The following BRIP1 variants were observed in gnomAD, a reference collection of about 807,000 sequenced individuals.
BRIP1 encodes Fanconi anemia group J protein.
In BRIP1, 88 loss-of-function variants were observed where a neutral mutation model predicts 119.7. That is an observed-to-expected ratio of 0.74 (90% CI 0.62 to 0.88). The LOEUF is 0.88. Ranked by LOEUF, BRIP1 falls within the 40% of genes least tolerant of loss-of-function variation. The probability of loss-of-function intolerance (pLI) is 0.00; values close to 1 mark genes in which losing one functional copy is unlikely to be tolerated. For synonymous variants in BRIP1, 443 were observed against 496.5 expected (o/e 0.89, Z 1.43); for missense variants, 1,259 against 1,455.4 (o/e 0.87, Z 2.20).
intron 11 of BRIP1, among the ~76,000 whole-genome samples, chr17:61,783,176 A>T (rs771057981): frequency 6.6e-6 from 1 of 152,216 alleles, no homozygotes; most frequent in African/African-American, 2.4e-5. Context: ...TAAATTAACA[A>T]ATTGTGGTAT....
At position 61,795,122 on chromosome 17, in the gene BRIP1, ATAG is replaced by A. The variant is rs1161677121; in HGVS notation, c.1341-1396_1341-1394del. Reference sequence around the variant, plus strand: ...TTTAATTTTTAATTTTCGTGGGTACATAGTAGGTGTATATATTTATGGGGTACA... The same window carrying A: ...TTTAATTTTTAATTTTCGTGGGTACATAGGTGTATATATTTATGGGGTACA... On this transcript the variant is annotated intron_variant, in intron 9 of 19. Transcript: ENST00000259008. The surrounding 1 kb of genome is among the most constrained non-coding windows in gnomAD (Gnocchi z 5.6). Among the ~76,000 whole-genome samples the A allele has an allele frequency of 6.6e-6, 1 of 152,120 alleles. No homozygotes were observed. Among genetic ancestry groups the A allele is most frequent in the Non-Finnish European group, 1.5e-5 (1 of 67,996 alleles).
rs1467653305 is a variant in BRIP1, at chr17:61,848,241, G to A, written c.507+888C>T. Among the ~76,000 whole-genome samples the A allele has an allele frequency of 1.3e-5, 2 of 152,076 alleles. No individual in the cohort carries two copies. Among genetic ancestry groups the A allele is most frequent in the African/African-American group, 4.8e-5 (2 of 41,416 alleles). The stretch of plus-strand genomic sequence containing the variant: ...CACCAAGGTTGAAGCATAATTGCAT[G>A]ATCTTAGCTCACCACAGCCTTCAAC... On this transcript the variant is annotated intron_variant, in intron 5 of 19. Transcript: ENST00000259008. This position sits in a 1 kb window ranked among gnomAD's most constrained non-coding sequence, Gnocchi z 4.3.
intron 16 of BRIP1, among the ~76,000 whole-genome samples, chr17:61,741,476 C>T (rs1041452173): frequency 6.6e-6 from 1 of 152,176 alleles, no homozygotes; most frequent in Non-Finnish European, 1.5e-5. Context: ...TCAGAGGACT[C>T]GCTATCTATA....
chr17:61,738,849 AT>A lies in BRIP1; in HGVS notation c.2379+4163del, dbSNP rs148393627. ...TATGGAAAAAGTTAAAATTCTTTTG[AT>A]AACTACTCTGAATATCATTCCCTTC... On this transcript the variant is annotated intron_variant, in intron 16 of 19. Transcript: ENST00000259008. This position sits in a 1 kb window ranked among gnomAD's most constrained non-coding sequence, Gnocchi z 4.2. Among the ~76,000 whole-genome samples the A allele has an allele frequency of 0.022, 3,291 of 152,308 alleles. 56 individuals carry two copies. The highest frequency in any genetic ancestry group is 0.031 in the Non-Finnish European group (2,077 of 68,024).
chr17:61,691,420 T>C lies in BRIP1; in HGVS notation c.2575+2010A>G, dbSNP rs1472847276. Among the ~76,000 whole-genome samples the C allele has an allele frequency of 1.3e-5, 2 of 152,132 alleles. No homozygotes were observed. Among genetic ancestry groups the C allele is most frequent in the Admixed American group, 1.3e-4 (2 of 15,270 alleles). ...TGGAAAGATATCCCATGTTCACAGA[T>C]TGGAACACCTAATATTGTCAGAATG... On this transcript the variant is annotated intron_variant, in intron 18 of 19. Coordinates refer to ENST00000259008, the MANE Select transcript of BRIP1 (RefSeq NM_032043.3). This position sits in a 1 kb window ranked among gnomAD's most constrained non-coding sequence, Gnocchi z 5.0.
rs774684620 is a variant in BRIP1 at position 61,684,098 on chromosome 17, A to AT, written c.2947dup (p.Ile983AsnfsTer19). On this transcript the variant is annotated frameshift_variant, in exon 20 of 20. Coordinates refer to ENST00000259008, the MANE Select transcript of BRIP1 (RefSeq NM_032043.3). LOFTEE classifies it low-confidence loss of function (END_TRUNC). The surrounding 1 kb of genome is among the most constrained non-coding windows in gnomAD (Gnocchi z 4.5). ...TGGGCTTGTGGATCTGGAAATCACA[A>AT]TTTTTTCTGCTTTCCCTGCTTCTTC... 4.3e-6 allele frequency: 7 copies of AT among 1,613,492 alleles called. No homozygotes were observed. Among genetic ancestry groups the AT allele is most frequent in the African/African-American group, 2.7e-5 (2 of 74,944 alleles).
At chr17:61,779,561 A>G (rs1205657923) in intron 13 of BRIP1, among the ~76,000 whole-genome samples, 1 of 152,250 alleles carries the variant, frequency 6.6e-6, no homozygotes, top group African/African-American at 2.4e-5. Flanking sequence ...CGAAGGCTGC[A>G]GTGAGCCAAG....
intron 10 of BRIP1, among the ~76,000 whole-genome samples, chr17:61,785,124 G>T (rs2077686078): frequency 6.6e-6 from 1 of 152,216 alleles, no homozygotes; most frequent in East Asian, 1.9e-4. Flanking sequence ...GTAGCAAATG[G>T]CTTCTCCAAA....
Position 61,859,814 on chromosome 17 carries a change from A to T in BRIP1, c.187T>A (p.Trp63Arg), listed in dbSNP as rs1603367652. The change falls in exon 3 of 20, where the codon TGG (tryptophan) becomes AGG (arginine). Residue 63 changes from tryptophan (W) to arginine (R), a missense_variant. Physicochemically the swap from Trp to Arg is moderately radical, Grantham distance 101. This residue lies in a region of BRIP1 where 501 missense variants were observed against 544.0 expected (regional missense o/e 0.92). Transcript: ENST00000259008. Reference protein sequence around the residue: ...SLALLCSALAWQQSLSGKPAD... With the variant: ...SLALLCSALARQQSLSGKPAD... ...TACTTACCACTAAGAGATTGTTGCC[A>T]TGCTAAAGCAGAACAAAGTAAGGCT... 1 of 1,613,082 alleles carries T rather than the reference A, an allele frequency of 6.2e-7. No homozygotes were observed.
rs566504900 is a variant in BRIP1, at chr17:61,686,251, G to A, written c.2576-86C>T. 123 of 1,230,272 alleles carry A rather than the reference G, an allele frequency of 1.0e-4. No individual in the cohort carries two copies. Among genetic ancestry groups the A allele is most frequent in the Non-Finnish European group, 1.4e-4 (116 of 839,978 alleles). The allele number at this position is 1,230,272 out of a possible 1,614,324, so 76.2% of individuals were successfully genotyped here. ...TAAGGTAATACACTTGCTTTTTCTAGTGAAGTAACCTAATTTGTATTTTGA... is the reference window on the plus strand; with the variant it reads ...TAAGGTAATACACTTGCTTTTTCTAATGAAGTAACCTAATTTGTATTTTGA... On this transcript the variant is annotated intron_variant, in intron 18 of 19. Coordinates refer to ENST00000259008, the MANE Select transcript of BRIP1 (RefSeq NM_032043.3). The surrounding 1 kb of genome is among the most constrained non-coding windows in gnomAD (Gnocchi z 5.4).
rs928109845 is a variant in BRIP1 at position 61,724,977 on chromosome 17, G to A, written c.2380-8914C>T. 3.9e-5 allele frequency among the ~76,000 whole-genome samples: 6 copies of A among 152,070 alleles called. No homozygotes were observed. Among genetic ancestry groups the A allele is most frequent in the Non-Finnish European group, 5.9e-5 (4 of 68,012 alleles). ...TCATAGTGTAAACACTTCTATCAGG[G>A]TATCACAATATAAATTCCAATGGTT... On this transcript the variant is annotated intron_variant, in intron 16 of 19. Transcript: ENST00000259008. This position sits in a 1 kb window ranked among gnomAD's most constrained non-coding sequence, Gnocchi z 5.1.
At chr17:61,715,372 ATTTT>A (rs906430615) in intron 17 of BRIP1, among the ~76,000 whole-genome samples, 1 of 151,354 alleles carries the variant, frequency 6.6e-6, no homozygotes, top group African/African-American at 2.4e-5. Context: ...AATGAAAATG[ATTTT>A]TTTTTCTGTC....
rs2061660461 is a variant in BRIP1, at chr17:61,704,410, A to T, written c.2493-10898T>A. Among the ~76,000 whole-genome samples the T allele has an allele frequency of 6.6e-6, 1 of 152,046 alleles. No individual in the cohort carries two copies. Among genetic ancestry groups the T allele is most frequent in the Non-Finnish European group, 1.5e-5 (1 of 67,994 alleles). On this transcript the variant is annotated intron_variant, in intron 17 of 19. Transcript: ENST00000259008. This position sits in a 1 kb window ranked among gnomAD's most constrained non-coding sequence, Gnocchi z 5.7. The stretch of plus-strand genomic sequence containing the variant: ...TTTGCTAGTGAACACAGCTGGGTGA[A>T]TTTTTTAGAAGGCTTTTAACTATTA...
In BRIP1 at chr17:61,758,940, C is replaced by G; in HGVS notation, c.2098-14349G>C. Among the ~76,000 whole-genome samples, 1 of 151,602 alleles carries G rather than the reference C, an allele frequency of 6.6e-6. No individual in the cohort carries two copies. The highest frequency in any genetic ancestry group is 1.9e-4 in the East Asian group (1 of 5,180). On this transcript the variant is annotated intron_variant, in intron 14 of 19. Transcript: ENST00000259008. This position sits in a 1 kb window ranked among gnomAD's most constrained non-coding sequence, Gnocchi z 5.3. ...GGTTGATCCCTTCAACCCAGGAGTT[C>G]AAGGTTATAGTGACCTATGATCACA...
At position 61,776,549 on chromosome 17, in the gene BRIP1, G is replaced by A. The variant is rs2077537888; in HGVS notation, c.1949C>T (p.Thr650Ile). 1 of 1,614,012 alleles carries A rather than the reference G, an allele frequency of 6.2e-7. No homozygotes were observed. Among genetic ancestry groups the A allele is most frequent in the Non-Finnish European group, 8.5e-7 (1 of 1,179,956 alleles). ...IIKNSQVWVG[T>I]IGSGPKGRNL... The stretch of plus-strand genomic sequence containing the variant: ...CCGACCCTTGGGGCCTGACCCAATG[G>A]TACCAACCCAAACCTAGAATATGAA... The change falls in exon 14 of 20, where the codon ACC becomes ATC. Residue 650 changes from threonine (T) to isoleucine (I), a missense_variant. This residue lies in a region of BRIP1 where 753 missense variants were observed against 891.8 expected (regional missense o/e 0.84). Transcript: ENST00000259008. This position sits in a 1 kb window ranked among gnomAD's most constrained non-coding sequence, Gnocchi z 5.0.
At position 61,700,656 on chromosome 17, in the gene BRIP1, C is replaced by T. The variant is rs1054620454; in HGVS notation, c.2493-7144G>A. On this transcript the variant is annotated intron_variant, in intron 17 of 19. Coordinates refer to ENST00000259008, the MANE Select transcript of BRIP1 (RefSeq NM_032043.3). The surrounding 1 kb of genome is among the most constrained non-coding windows in gnomAD (Gnocchi z 4.1). The stretch of plus-strand genomic sequence containing the variant: ...CCCTGAGTTCATCCTACTTGGAGTT[C>T]GCTTATCTTCTTGGATGTATAAATT... Among the ~76,000 whole-genome samples, 12 of 152,036 alleles carry T rather than the reference C, an allele frequency of 7.9e-5. No homozygotes were observed. The highest frequency in any genetic ancestry group is 2.2e-4 in the African/African-American group (9 of 41,390).
At chr17:61,855,037 C>T (rs2078876126) in intron 4 of BRIP1, among the ~76,000 whole-genome samples, 1 of 152,058 alleles carries the variant, frequency 6.6e-6, no homozygotes. Flanking sequence ...CTGTATGAAT[C>T]CATTTATATA....
chr17:61,770,153 A>C lies in BRIP1; in HGVS notation c.2097+6248T>G, dbSNP rs1046803721. Among the ~76,000 whole-genome samples the C allele has an allele frequency of 6.6e-6, 1 of 152,220 alleles. No homozygotes were observed. Among genetic ancestry groups the C allele is most frequent in the Admixed American group, 6.5e-5 (1 of 15,276 alleles). On this transcript the variant is annotated intron_variant, in intron 14 of 19. Transcript: ENST00000259008. This position sits in a 1 kb window ranked among gnomAD's most constrained non-coding sequence, Gnocchi z 4.7. Reference sequence around the variant, plus strand: ...CTGCAGCTCCCTGCCATCTAATCTTATGATATGAATGAAGAGCTCAGAAAC... The same window carrying C: ...CTGCAGCTCCCTGCCATCTAATCTTCTGATATGAATGAAGAGCTCAGAAAC...
chr17:61,712,489 C>T (rs891883581), intron 17 of BRIP1, among the ~76,000 whole-genome samples: 4 of 152,076 alleles, frequency 2.6e-5, no homozygotes, highest in African/African-American at 9.7e-5. Context: ...GCTGGGATTA[C>T]AGGCATGAGC....
Sources: gnomAD v4.1 joint callset for allele counts (sites outside exome capture counted in the v4.1 genomes callset) on GRCh38, gnomAD v4.1.1 for gene constraint, gnomAD v4.1.1 regional missense constraint, Gnocchi (gnomAD v3.1) non-coding constraint, MANE v1.5 for transcripts, NCBI Gene and HGNC (gene_info 2026-07-23, HGNC 2026-07-21) for gene names.